ARRB1: variants seen among roughly 807,000 people sequenced by gnomAD.
ARRB1 encodes the protein arrestin beta 1.
A neutral mutation model predicts 56.8 loss-of-function variants in ARRB1; 21 were observed. The ratio of observed to expected loss-of-function variants is 0.37; its 90% CI spans 0.26 to 0.53. The LOEUF (loss-of-function observed/expected upper bound fraction) is 0.53. Among genes scored for constraint, ARRB1 ranks in the 20% least tolerant of loss-of-function variants. The pLI is 0.88. For synonymous variants in ARRB1, 210 were observed against 218.6 expected, an observed-to-expected ratio of 0.96 and a Z score of 0.35; for missense variants, 424 against 553.7, an observed-to-expected ratio of 0.77 and a Z score of 2.35.
Position 75,261,087 on chromosome 11 carries a change from A to T in ARRB1, c.*5076T>A, listed in dbSNP as rs1337668917. On this transcript the variant is annotated 3_prime_UTR_variant, in exon 16 of 16. Transcript: ENST00000420843. Reference sequence around the variant, plus strand: ...TGCTTCATGGGCCAATATCAGGGTCACGACCCATCCCCACTGAGCACCAGG... The same window carrying T: ...TGCTTCATGGGCCAATATCAGGGTCTCGACCCATCCCCACTGAGCACCAGG... 1 of 148,274 alleles carries T rather than the reference A, an allele frequency of 6.7e-6. No homozygotes were observed. The highest frequency in any genetic ancestry group is 1.5e-5 in the Non-Finnish European group (1 of 68,076). 9.2% of individuals were successfully genotyped at this position (148,274 alleles called of 1,614,324 possible).
chr11:75,301,678 G>A (rs1438014789), intron 1 of ARRB1, among the ~76,000 whole-genome samples: 2 of 152,182 alleles, frequency 1.3e-5, no homozygotes, highest in African/African-American at 4.8e-5. Context: ...CTCAGTGTGA[G>A]AGCAGCCATC....
At chr11:75,278,389 C>T (rs1186897501) in intron 8 of ARRB1, among the ~76,000 whole-genome samples, 1 of 152,230 alleles carries the variant, frequency 6.6e-6, no homozygotes, top group Non-Finnish European at 1.5e-5. Context: ...GGAAGTCCAT[C>T]ACATCTCTCA....
Position 75,283,570 on chromosome 11 carries a change from C to A in ARRB1, c.158-87G>T, listed in dbSNP as rs972144320. On this transcript the variant is annotated intron_variant, in intron 4 of 15. Coordinates refer to ENST00000420843, the MANE Select transcript of ARRB1 (RefSeq NM_004041.5). ...TGCCGGCAGCAGCCCTGGGACGGGC[C>A]CCACTGGAGGCCCCAAGCCTGTCCC... The A allele has an allele frequency of 3.0e-6, 4 of 1,326,808 alleles. No homozygotes were observed. In the African/African-American group the frequency reaches 5.9e-5, roughly 20 times the overall value. 82.2% of individuals were successfully genotyped at this position (1,326,808 alleles called of 1,614,324 possible). A position where few individuals can be genotyped will look rare whatever the true frequency, so the allele number is the denominator to read the frequency against.
chr11:75,299,945 G>A (rs1409247355), intron 1 of ARRB1, among the ~76,000 whole-genome samples: 1 of 152,098 alleles, frequency 6.6e-6, no homozygotes, highest in African/African-American at 2.4e-5. Context: ...AGTGGCTGAC[G>A]CCTGTAATCC....
intron 1 of ARRB1, among the ~76,000 whole-genome samples, chr11:75,351,121 G>T (rs995013538): frequency 6.6e-6 from 1 of 152,216 alleles, no homozygotes; most frequent in Non-Finnish European, 1.5e-5. Context: ...TGCTAGAATT[G>T]GTGTGTGTTG....
intron 1 of ARRB1, chr11:75,312,252 C>A (rs1250024306): frequency 4.4e-6 from 4 of 900,904 alleles, no homozygotes; most frequent in Non-Finnish European, 6.2e-6. Context: ...AACAGGCCTG[C>A]CCCTGGGAAG....
chr11:75,286,255 CTTTTTTTTTTTTTTTTTT>C (rs60988072), intron 3 of ARRB1, among the ~76,000 whole-genome samples: 85 of 38,746 alleles, frequency 2.2e-3, no homozygotes, highest in African/African-American at 8.9e-3. Context: ...ATTTGCTCAT[CTTTTTTTTTTTTTTTTTT>C]TTTTTTTTTT....
chr11:75,269,532 TG>T (rs1946025713), intron 13 of ARRB1, among the ~76,000 whole-genome samples: 1 of 152,176 alleles, frequency 6.6e-6, no homozygotes, highest in African/African-American at 2.4e-5. Flanking sequence ...GATTACACTG[TG>T]GGGATGCAGG....
chr11:75,344,501 C>T (rs1947737154), intron 1 of ARRB1, among the ~76,000 whole-genome samples: 1 of 152,198 alleles, frequency 6.6e-6, no homozygotes, highest in Admixed American at 6.5e-5. Flanking sequence ...ACTCCCCACC[C>T]CTCCCCTGGC....
chr11:75,287,524 C>G (rs1314570870), intron 2 of ARRB1, 149 bp from the exon 3 acceptor site: 1 of 713,256 alleles, frequency 1.4e-6, no homozygotes, highest in Non-Finnish European at 2.3e-6. Context: ...GGCCTTCACC[C>G]CAGCCCTAAT....
intron 1 of ARRB1, among the ~76,000 whole-genome samples, chr11:75,332,088 C>T (rs2140508711): frequency 1.1e-5 from 1 of 90,946 alleles, no homozygotes; most frequent in Admixed American, 9.6e-5. Context: ...CTGTAATTTT[C>T]CACTACCTAC....
At chr11:75,313,413 T>C (rs534679107) in intron 1 of ARRB1, among the ~76,000 whole-genome samples, 204 of 152,288 alleles carry the variant, frequency 1.3e-3, no homozygotes, top group Admixed American at 2.7e-3. Context: ...TATGGGCTCT[T>C]AAGGTTGGGG....
At chr11:75,340,157 C>G (rs1156698580) in intron 1 of ARRB1, among the ~76,000 whole-genome samples, 2 of 152,272 alleles carry the variant, frequency 1.3e-5, no homozygotes, top group East Asian at 1.9e-4. Flanking sequence ...ATTTGTTCCT[C>G]TGGCTGCAGA....
chr11:75,270,146 G>A (rs1448711596), intron 13 of ARRB1, among the ~76,000 whole-genome samples: 4 of 152,236 alleles, frequency 2.6e-5, no homozygotes, highest in Non-Finnish European at 5.9e-5. Flanking sequence ...CTAGAACCAC[G>A]GGAACTTCTG....
chr11:75,286,141 C>T (rs1190085941), intron 3 of ARRB1, among the ~76,000 whole-genome samples: 9 of 151,936 alleles, frequency 5.9e-5, no homozygotes, highest in Non-Finnish European at 2.9e-5. Flanking sequence ...AGCCTGCAGC[C>T]GGGCTCGCTT....
rs1266274596 is a variant in ARRB1, at chr11:75,267,703, A to C, written c.1094T>G (p.Val365Gly). 6.2e-7 allele frequency: 1 copy of C among 1,601,212 alleles called. No homozygotes were observed. The highest frequency in any genetic ancestry group is 8.5e-7 in the Non-Finnish European group (1 of 1,172,536). ...ATCTACTGGCGTCTCGTTCTCTGGA[A>C]CTAAACACAGGGTGGGTGGGCAGGG... Reference protein sequence around the residue: ...KPKEEPPHREVPENETPVDTN... With the variant: ...KPKEEPPHREGPENETPVDTN... The change falls in exon 15 of 16, where the codon GTT (valine) becomes GGT (glycine). Residue 365 changes from valine (V) to glycine (G), a missense_variant and splice_region_variant. Transcript: ENST00000420843.
rs140234723 is a variant in ARRB1 at position 75,314,373 on chromosome 11, G to GCC, written c.21-24336_21-24335dup. Among the ~76,000 whole-genome samples, 29 of 152,274 alleles carry GCC rather than the reference G, an allele frequency of 1.9e-4. 1 individual carries two copies. In the Middle Eastern group the frequency reaches 0.01, roughly 54 times the overall value. On this transcript the variant is annotated intron_variant, in intron 1 of 15. Transcript: ENST00000420843. ...GCATGGTGGCACAGCTCCCAGGGAT[G>GCC]CCCCCCCTCCAGCAGAAATGCAGAC...
intron 1 of ARRB1, chr11:75,306,471 T>C: frequency 2.8e-6 from 2 of 702,718 alleles, no homozygotes; most frequent in South Asian, 1.4e-5. Flanking sequence ...AATGCACATC[T>C]CATGGAGAGA....
At chr11:75,344,624 C>T (rs1157793395) in intron 1 of ARRB1, among the ~76,000 whole-genome samples, 2 of 152,122 alleles carry the variant, frequency 1.3e-5, no homozygotes, top group Non-Finnish European at 2.9e-5. Context: ...TCTCCAACCC[C>T]CTACTAGGAC....
Sources: allele counts gnomAD v4.1 joint callset (sites outside exome capture counted in the v4.1 genomes callset), GRCh38; gene constraint gnomAD v4.1.1; transcripts MANE v1.5; gene names NCBI Gene and HGNC (gene_info 2026-07-23, HGNC 2026-07-21).